Variants in PTPRD observed in about 807,000 individuals in gnomAD.
The protein encoded by PTPRD is receptor-type tyrosine-protein phosphatase delta.
A neutral mutation model predicts 214.5 loss-of-function variants in PTPRD; 34 were observed. The ratio of observed to expected loss-of-function variants is 0.16; its 90% confidence interval spans 0.12 to 0.21. The LOEUF (loss-of-function observed/expected upper bound fraction) is 0.21. Ranked by LOEUF, PTPRD falls within the 10% of genes least tolerant of loss-of-function variation. The pLI is 1.00. For missense variants in PTPRD, 2,545 were observed against 2,398.7 expected (o/e 1.06, Z -1.27); for synonymous variants, 1,128 against 845.7 (o/e 1.33, Z -5.79).
intron 7 of PTPRD, among the ~76,000 whole-genome samples, chr9:9,661,943 A>G (rs2154380543): frequency 6.6e-6 from 1 of 151,812 alleles, no homozygotes; most frequent in Admixed American, 6.6e-5. Flanking sequence ...TGAACTCTGA[A>G]GTTCTTTCCA....
chr9:8,527,296 G>C (rs778140017), intron 16 of PTPRD, 49 bp downstream of exon 16: 31 of 1,570,698 alleles, frequency 2.0e-5, no homozygotes, highest in Non-Finnish European at 4.4e-6. Context: ...TAATATTCTG[G>C]ATATGGAAAT....
rs536636297 is a variant in PTPRD, at chr9:8,953,921, G to A, written c.-104+64776C>T. On this transcript the variant is annotated intron_variant, in intron 11 of 45. Coordinates refer to ENST00000381196, the MANE Select transcript of PTPRD (RefSeq NM_002839.4). ...GGAATGTAATTAGTCCTGCCACTGCGGAAAGCAGTTTGGGGATTTCTTAGA... is the reference window on the plus strand; with the variant it reads ...GGAATGTAATTAGTCCTGCCACTGCAGAAAGCAGTTTGGGGATTTCTTAGA... Among the ~76,000 whole-genome samples, 161 of 151,970 alleles carry A rather than the reference G, an allele frequency of 1.1e-3. No homozygotes were observed. The South Asian group carries it at 0.02, about 19-fold the overall frequency.
rs2083154600 is a variant in PTPRD, at chr9:8,376,076, C to G, written c.4521G>C (p.Glu1507Asp). 1 of 1,612,478 alleles carries G rather than the reference C, an allele frequency of 6.2e-7. No individual in the cohort carries two copies. Among genetic ancestry groups the G allele is most frequent in the Non-Finnish European group, 8.5e-7 (1 of 1,179,072 alleles). The change falls in exon 39 of 46, where the codon GAG (glutamate) becomes GAC (aspartate). Residue 1507 changes from glutamate to aspartate, a missense_variant. Coordinates refer to ENST00000381196, the MANE Select transcript of PTPRD (RefSeq NM_002839.4). The stretch of plus-strand genomic sequence containing the variant: ...ACTGGAATTGTCTCACTTCTCTCTT[C>G]TCACTTGAACCATTCTGTGAAATAG... ...TFALYKNGSSEKREVRQFQFT... is the reference protein window; with the variant it reads ...TFALYKNGSSDKREVRQFQFT...
chr9:10,469,764 T>A lies in PTPRD; in HGVS notation c.-599-128747A>T, dbSNP rs566031115. 4.6e-5 allele frequency among the ~76,000 whole-genome samples: 7 copies of A among 152,052 alleles called. 1 individual carries two copies. Among genetic ancestry groups the A allele is most frequent in the African/African-American group, 1.7e-4 (7 of 41,388 alleles). On this transcript the variant is annotated intron_variant, in intron 2 of 45. Transcript: ENST00000381196. The stretch of plus-strand genomic sequence containing the variant: ...CCAATATATAGAACCAACCCAAGTG[T>A]CCATGAATGAATGGATAAAGAAAAT...
chr9:9,398,911 C>T (rs896853302), intron 8 of PTPRD, among the ~76,000 whole-genome samples: 3 of 151,922 alleles, frequency 2.0e-5, no homozygotes, highest in African/African-American at 7.3e-5. Context: ...TGCCTTGTTG[C>T]TAATTTTATA....
chr9:9,747,252 TC>T (rs796800794), intron 6 of PTPRD, among the ~76,000 whole-genome samples: 16 of 62,770 alleles, frequency 2.5e-4, no homozygotes, highest in African/African-American at 1.7e-3. Flanking sequence ...ATCAACAGCT[TC>T]TGTTCAGGCT....
chr9:8,577,317 G>A (rs561108235), intron 14 of PTPRD, among the ~76,000 whole-genome samples: 5 of 152,058 alleles, frequency 3.3e-5, no homozygotes, highest in Admixed American at 6.6e-5. Flanking sequence ...TACAATTGGC[G>A]TGATCTTGGC....
chr9:8,714,397 G>A (rs2098407252), intron 12 of PTPRD, among the ~76,000 whole-genome samples: 1 of 151,798 alleles, frequency 6.6e-6, no homozygotes, highest in African/African-American at 2.4e-5. Flanking sequence ...TTGAGCCTTG[G>A]CACAAGCTTT....
chr9:8,644,952 C>A (rs576518330), intron 12 of PTPRD, among the ~76,000 whole-genome samples: 112 of 152,276 alleles, frequency 7.4e-4, no homozygotes, highest in African/African-American at 2.6e-3. Context: ...GTGCCACTGG[C>A]CACAGAGGTT....
At chr9:8,350,273 C>G (rs1422464143) in intron 39 of PTPRD, among the ~76,000 whole-genome samples, 3 of 151,942 alleles carry the variant, frequency 2.0e-5, no homozygotes, top group Admixed American at 6.6e-5. Context: ...TAATGCTGAC[C>G]CTTTCCTGGT....
chr9:8,871,025 T>C (rs1158076295), intron 11 of PTPRD, among the ~76,000 whole-genome samples: 4 of 152,172 alleles, frequency 2.6e-5, no homozygotes, highest in African/African-American at 9.6e-5. Flanking sequence ...CCCCCTCCTT[T>C]CCCTGTTTTC....
chr9:8,481,598 T>C (rs1194503064), intron 30 of PTPRD, among the ~76,000 whole-genome samples: 2 of 152,142 alleles, frequency 1.3e-5, no homozygotes, highest in Admixed American at 6.6e-5. Flanking sequence ...GGCTCAGTTC[T>C]CCTGTTAGAT....
chr9:9,233,039 G>T (rs184051793), intron 9 of PTPRD, among the ~76,000 whole-genome samples: 366 of 152,120 alleles, frequency 2.4e-3, no homozygotes, highest in African/African-American at 8.5e-3. Context: ...ACCAGAAGGG[G>T]CCCTACTCAG....
At chr9:8,743,046 C>G (rs1324434964) in intron 11 of PTPRD, among the ~76,000 whole-genome samples, 1 of 143,784 alleles carries the variant, frequency 7.0e-6, no homozygotes, top group African/African-American at 2.5e-5. Flanking sequence ...TCAGCAATGC[C>G]AAAGGTGGGA....
chr9:8,562,834 C>G (rs369640952), intron 14 of PTPRD, among the ~76,000 whole-genome samples: 2 of 150,236 alleles, frequency 1.3e-5, no homozygotes, highest in African/African-American at 4.9e-5. Context: ...CTAATCCAAT[C>G]TGCAAAGATT....
In PTPRD at chr9:8,439,935, A is replaced by ATTTTTTTTTTTTTTTTTTTTTTTTTT. The variant is rs1166530719; in HGVS notation, c.3989-3272_3989-3247dup. ...CATTTAAATTACTTGATGTGCTTTA[A>ATTTTTTTTTTTTTTTTTTTTTTTTTT]TTTTTTTTTTTTTTTTTTTTTTTTT... On this transcript the variant is annotated intron_variant, in intron 34 of 45. Transcript: ENST00000381196. Among the ~76,000 whole-genome samples, 29 of 73,322 alleles carry ATTTTTTTTTTTTTTTTTTTTTTTTTT rather than the reference A, an allele frequency of 4.0e-4. 2 individuals carry two copies. Among genetic ancestry groups the ATTTTTTTTTTTTTTTTTTTTTTTTTT allele is most frequent in the Middle Eastern group, 0.022 (2 of 90 alleles). The allele number at this position is 73,322 out of a possible 152,430, so 48.1% of individuals were successfully genotyped here. A position where few individuals can be genotyped will look rare whatever the true frequency, so the allele number is the denominator to read the frequency against.
chr9:10,251,150 A>C (rs1018275202), intron 3 of PTPRD, among the ~76,000 whole-genome samples: 1 of 152,122 alleles, frequency 6.6e-6, no homozygotes, highest in South Asian at 2.1e-4. Context: ...TAATTAAATA[A>C]CATGTTCAAT....
At chr9:9,794,221 G>A (rs1475925164) in intron 5 of PTPRD, among the ~76,000 whole-genome samples, 2 of 144,338 alleles carry the variant, frequency 1.4e-5, no homozygotes, top group African/African-American at 5.2e-5. Flanking sequence ...ATATATACAC[G>A]TACATATACA....
At chr9:9,097,402 C>CTTTTT (rs200629393) in intron 10 of PTPRD, among the ~76,000 whole-genome samples, 4 of 143,466 alleles carry the variant, frequency 2.8e-5, no homozygotes, top group African/African-American at 2.6e-5. Context: ...CACCATGGCT[C>CTTTTT]TTTTTTTTTT....
Sources: gnomAD v4.1 joint callset for allele counts (sites outside exome capture counted in the v4.1 genomes callset) on GRCh38, gnomAD v4.1.1 for gene constraint, MANE v1.5 for transcripts, NCBI Gene and HGNC (gene_info 2026-07-23, HGNC 2026-07-21) for gene names.